GPR39: variants seen among roughly 807,000 people sequenced by gnomAD.
GPR39 encodes the protein G protein-coupled receptor 39, also known as zinc sensing receptor.
Under a neutral mutation model 18.4 loss-of-function variants are expected in GPR39, and 23 were observed. That is an observed-to-expected ratio of 1.25 (90% CI 0.90 to 1.77). The LOEUF is 1.77. GPR39 is among the 40% of genes most tolerant of loss of function. GPR39 has a pLI of 0.00. For missense variants in GPR39, 647 were observed against 602.4 expected (o/e 1.07, Z -0.78); for synonymous variants, 280 against 257.9 (o/e 1.09, Z -0.82).
At chr2:132,536,573 G>A (rs532409752) in intron 1 of GPR39, among the ~76,000 whole-genome samples, 13 of 152,202 alleles carry the variant, frequency 8.5e-5, no homozygotes, top group Non-Finnish European at 1.9e-4. Context: ...TTTTGTAGAT[G>A]TCTATTATGT....
At chr2:132,559,979 G>A (rs1274102744) in intron 1 of GPR39, among the ~76,000 whole-genome samples, 1 of 152,038 alleles carries the variant, frequency 6.6e-6, no homozygotes, top group African/African-American at 2.4e-5. Flanking sequence ...GGGAGGATGA[G>A]GGCTTGTCAC....
intron 1 of GPR39, among the ~76,000 whole-genome samples, chr2:132,557,490 CAG>C (rs1442221409): frequency 6.6e-6 from 1 of 151,950 alleles, no homozygotes; most frequent in Non-Finnish European, 1.5e-5. Flanking sequence ...GCCTTAATGC[CAG>C]AGAGTGGGTC....
intron 1 of GPR39, among the ~76,000 whole-genome samples, chr2:132,432,137 A>C (rs751045971): frequency 1.3e-5 from 2 of 152,096 alleles, no homozygotes; most frequent in Non-Finnish European, 2.9e-5. Context: ...GAAATACCAT[A>C]AACTGGGTGG....
chr2:132,528,886 G>A (rs906351951), intron 1 of GPR39, among the ~76,000 whole-genome samples: 1 of 152,104 alleles, frequency 6.6e-6, no homozygotes, highest in Admixed American at 6.6e-5. Context: ...AATCCTGGGG[G>A]TGGAGCCAAG....
chr2:132,548,783 C>G (rs1171678914), intron 1 of GPR39, among the ~76,000 whole-genome samples: 1 of 152,154 alleles, frequency 6.6e-6, no homozygotes, highest in Admixed American at 6.5e-5. Context: ...ACATAAGTCC[C>G]CAAGAAATGC....
chr2:132,499,767 G>A (rs891578504), intron 1 of GPR39, among the ~76,000 whole-genome samples: 2 of 152,060 alleles, frequency 1.3e-5, no homozygotes, highest in Non-Finnish European at 2.9e-5. Context: ...GTTTTTCCTT[G>A]TAGAAGACTT....
chr2:132,538,052 C>A (rs1291939272), intron 1 of GPR39, among the ~76,000 whole-genome samples: 1 of 152,020 alleles, frequency 6.6e-6, no homozygotes, highest in African/African-American at 2.4e-5. Flanking sequence ...TTTTGTAACT[C>A]GTTCATCTCA....
intron 1 of GPR39, among the ~76,000 whole-genome samples, chr2:132,541,981 C>T (rs568000767): frequency 1.3e-4 from 20 of 152,302 alleles, no homozygotes; most frequent in African/African-American, 3.8e-4. Context: ...TATGTCCTCA[C>T]ATGGTGGTGG....
chr2:132,524,148 C>T (rs1679469663), intron 1 of GPR39, among the ~76,000 whole-genome samples: 1 of 152,198 alleles, frequency 6.6e-6, no homozygotes, highest in South Asian at 2.1e-4. Flanking sequence ...TCACAGTGGC[C>T]ACTGCTGTGG....
intron 1 of GPR39, among the ~76,000 whole-genome samples, chr2:132,529,460 C>A (rs1357291523): frequency 6.6e-6 from 1 of 152,224 alleles, no homozygotes; most frequent in East Asian, 1.9e-4. Flanking sequence ...CAGCAGTAAC[C>A]TCTGCAGACT....
In GPR39 at chr2:132,451,174, T is replaced by TGTGTGTGTGCGC. The variant is rs3219552; in HGVS notation, c.856+33277_856+33278insTGTGTGTGCGCG. Among the ~76,000 whole-genome samples the TGTGTGTGTGCGC allele has an allele frequency of 1.9e-3, 283 of 150,462 alleles. 1 individual carries two copies. The highest frequency in any genetic ancestry group is 6.8e-3 in the Middle Eastern group (2 of 294). ...GTGTGTGTGTGTGTGTGTGTGTGTG[T>TGTGTGTGTGCGC]GCACGCGCGTGAAATGCTTTGCCCT... is the stretch of plus-strand genomic sequence containing the variant. On this transcript the variant is annotated intron_variant, in intron 1 of 1. Transcript: ENST00000329321.
In GPR39 at chr2:132,427,160, A is replaced by ATATATATATG. The variant is rs1183343220; in HGVS notation, c.856+9267_856+9268insATATGTATAT. The stretch of plus-strand genomic sequence containing the variant: ...TATATATATATATATATATATATAT[A>ATATATATATG]TATATGAAATTTTTTTTTTTTTGAG... On this transcript the variant is annotated intron_variant, in intron 1 of 1. Coordinates refer to ENST00000329321, the MANE Select transcript of GPR39 (RefSeq NM_001508.3). Among the ~76,000 whole-genome samples, 16 of 77,020 alleles carry ATATATATATG rather than the reference A, an allele frequency of 2.1e-4. 1 individual carries two copies. 50.5% of individuals were successfully genotyped at this position (77,020 alleles called of 152,430 possible).
At chr2:132,445,969 C>T (rs1680528610) in intron 1 of GPR39, among the ~76,000 whole-genome samples, 1 of 152,088 alleles carries the variant, frequency 6.6e-6, no homozygotes, top group Admixed American at 6.5e-5. Context: ...CACAGGAGAC[C>T]TCGCAGGAGA....
chr2:132,550,916 G>A (rs914135695), intron 1 of GPR39, among the ~76,000 whole-genome samples: 1 of 152,158 alleles, frequency 6.6e-6, no homozygotes, highest in East Asian at 1.9e-4. Context: ...TTGGAAAGGG[G>A]GCTTTGTTAA....
chr2:132,549,247 A>T (rs1679999295), intron 1 of GPR39, among the ~76,000 whole-genome samples: 1 of 152,178 alleles, frequency 6.6e-6, no homozygotes, highest in Non-Finnish European at 1.5e-5. Flanking sequence ...CTTTGAATTC[A>T]GGGAAAAGGC....
chr2:132,436,674 A>G (rs184179034), intron 1 of GPR39, among the ~76,000 whole-genome samples: 6 of 152,262 alleles, frequency 3.9e-5, no homozygotes, highest in Admixed American at 2.6e-4. Flanking sequence ...TATTCAGCTT[A>G]GTAAAGAGCC....
intron 1 of GPR39, among the ~76,000 whole-genome samples, chr2:132,452,898 G>C (rs1680656031): frequency 6.6e-6 from 1 of 152,086 alleles, no homozygotes; most frequent in Non-Finnish European, 1.5e-5. Context: ...TATTTGTGTT[G>C]GTTCTAAGTC....
chr2:132,435,473 G>A (rs561443931), intron 1 of GPR39, among the ~76,000 whole-genome samples: 1 of 152,244 alleles, frequency 6.6e-6, no homozygotes, highest in African/African-American at 2.4e-5. Flanking sequence ...CAAAATATGT[G>A]TTAATCGACT....
Position 132,625,683 on chromosome 2 carries a change from T to G in GPR39, c.857-19418T>G, listed in dbSNP as rs140919370. On this transcript the variant is annotated intron_variant, in intron 1 of 1. Coordinates refer to ENST00000329321, the MANE Select transcript of GPR39 (RefSeq NM_001508.3). Reference sequence around the variant, plus strand: ...GATGTTCACCTTCAGAGTCCAACATTGGAATGAGTTTTTATTCCTCTGTGC... The same window carrying G: ...GATGTTCACCTTCAGAGTCCAACATGGGAATGAGTTTTTATTCCTCTGTGC... Among the ~76,000 whole-genome samples the G allele has an allele frequency of 4.5e-4, 69 of 152,360 alleles. 1 individual carries two copies. Among genetic ancestry groups the G allele is most frequent in the African/African-American group, 1.3e-3 (56 of 41,584 alleles).
Sources: gnomAD v4.1 joint callset for allele counts (sites outside exome capture counted in the v4.1 genomes callset) on GRCh38, gnomAD v4.1.1 for gene constraint, MANE v1.5 for transcripts, NCBI Gene and HGNC (gene_info 2026-07-23, HGNC 2026-07-21) for gene names.